CES5A: variants seen among roughly 807,000 people sequenced by gnomAD.
CES5A encodes the protein carboxylesterase 5.
Under a neutral mutation model 62.9 loss-of-function variants are expected in CES5A, and 67 were observed. That is an observed-to-expected ratio of 1.07 (90% CI 0.88 to 1.31). The LOEUF (loss-of-function observed/expected upper bound fraction) is 1.31. Ranked by LOEUF, CES5A falls within the 50% of genes most tolerant of loss-of-function variation. The pLI is 0.00. For synonymous variants in CES5A, 296 were observed against 280.8 expected, an observed-to-expected ratio of 1.05 and a Z score of -0.54; for missense variants, 748 against 708.5, an observed-to-expected ratio of 1.06 and a Z score of -0.63.
chr16:55,941,525 C>T (rs1433035749), intron 2 of CES5A, among the ~76,000 whole-genome samples: 1 of 151,988 alleles, frequency 6.6e-6, no homozygotes, highest in Non-Finnish European at 1.5e-5. Flanking sequence ...AGCATAGTTA[C>T]AATGTCAGTT....
chr16:55,899,714 C>A (rs1437444466), intron 1 of CES5A, among the ~76,000 whole-genome samples: 1 of 152,172 alleles, frequency 6.6e-6, no homozygotes, highest in African/African-American at 2.4e-5. Context: ...ATTCGATAGT[C>A]ACAGCTAGTG....
intron 9 of CES5A, among the ~76,000 whole-genome samples, chr16:55,853,899 G>T (rs1597111362): frequency 6.6e-6 from 1 of 152,184 alleles, no homozygotes; most frequent in Admixed American, 6.5e-5. Context: ...CCCTTGATGG[G>T]TTTCTTTGGA....
intron 8 of CES5A, among the ~76,000 whole-genome samples, chr16:55,857,942 TC>T (rs2142392559): frequency 6.6e-6 from 1 of 152,248 alleles, no homozygotes; most frequent in South Asian, 2.1e-4. Context: ...TGCCTGTAAT[TC>T]CAGCACTTTG....
chr16:55,947,625 T>A (rs1313522522), intron 2 of CES5A, among the ~76,000 whole-genome samples: 1 of 151,776 alleles, frequency 6.6e-6, no homozygotes, highest in African/African-American at 2.4e-5. Flanking sequence ...AGTGCCAAAG[T>A]TGGGGTTGTA....
chr16:55,854,606 A>T lies in CES5A; in HGVS notation c.1126-1578T>A, dbSNP rs371676875. Among the ~76,000 whole-genome samples, 140 of 133,126 alleles carry T rather than the reference A, an allele frequency of 1.1e-3. 1 individual carries two copies. The South Asian group carries it at 0.029, about 27-fold the overall frequency. The allele number at this position is 133,126 out of a possible 152,430, so 87.3% of individuals were successfully genotyped here. A position where few individuals can be genotyped will look rare whatever the true frequency, so the allele number is the denominator to read the frequency against. On this transcript the variant is annotated intron_variant, in intron 9 of 12. Coordinates refer to ENST00000290567, the MANE Select transcript of CES5A (RefSeq NM_001143685.2). The stretch of plus-strand genomic sequence containing the variant: ...GCCCAGGCTAGAGTACAGTGGCGAG[A>T]TCCTGCAGCTTCAAATTCCCAGGCT...
At chr16:55,854,175 TG>T (rs2033186487) in intron 9 of CES5A, among the ~76,000 whole-genome samples, 1 of 152,188 alleles carries the variant, frequency 6.6e-6, no homozygotes, top group South Asian at 2.1e-4. Flanking sequence ...CCTAGGGTTC[TG>T]GGGTAAGACT....
At chr16:55,858,201 A>T (rs535832871) in intron 8 of CES5A, among the ~76,000 whole-genome samples, 1 of 152,260 alleles carries the variant, frequency 6.6e-6, no homozygotes, top group Admixed American at 6.5e-5. Flanking sequence ...CTGACTCAAA[A>T]ATTAAATTAG....
chr16:55,952,783 C>T (rs554711745), intron 1 of CES5A, among the ~76,000 whole-genome samples: 2 of 152,078 alleles, frequency 1.3e-5, no homozygotes, highest in Non-Finnish European at 1.5e-5. Context: ...TAAGATCTAC[C>T]CCCACTAAAG....
At chr16:55,942,819 T>C (rs1450053796) in intron 2 of CES5A, among the ~76,000 whole-genome samples, 2 of 152,160 alleles carry the variant, frequency 1.3e-5, no homozygotes, top group Non-Finnish European at 2.9e-5. Context: ...GGTATGTCCA[T>C]ACAATAAAAT....
intron 2 of CES5A, among the ~76,000 whole-genome samples, chr16:55,940,752 A>G (rs1322660033): frequency 1.3e-5 from 2 of 151,974 alleles, no homozygotes; most frequent in African/African-American, 2.4e-5. Context: ...TCATAAATAC[A>G]GAAGCAAAAT....
chr16:55,889,993 T>C (rs2033859275), intron 1 of CES5A, among the ~76,000 whole-genome samples: 1 of 152,198 alleles, frequency 6.6e-6, no homozygotes, highest in South Asian at 2.1e-4. Flanking sequence ...CTCAGCTGGA[T>C]TTCAGAACCA....
chr16:55,901,838 A>G (rs1316336684), intron 1 of CES5A, among the ~76,000 whole-genome samples: 1 of 152,120 alleles, frequency 6.6e-6, no homozygotes, highest in African/African-American at 2.4e-5. Context: ...TTCCTCTTAT[A>G]TATCAGTGGG....
chr16:55,922,270 C>G (rs1213479998), intron 1 of CES5A, among the ~76,000 whole-genome samples: 2 of 151,880 alleles, frequency 1.3e-5, no homozygotes, highest in East Asian at 3.9e-4. Context: ...AATAAAGAAA[C>G]AAGACTCAAC....
At chr16:55,930,482 A>G (rs1234808611) in intron 2 of CES5A, among the ~76,000 whole-genome samples, 2 of 152,320 alleles carry the variant, frequency 1.3e-5, no homozygotes, top group East Asian at 3.9e-4. Flanking sequence ...GAGAGGGTCT[A>G]TTATAAAAGC....
intron 1 of CES5A, among the ~76,000 whole-genome samples, chr16:55,902,615 G>A (rs1287601689): frequency 6.6e-6 from 1 of 152,178 alleles, no homozygotes; most frequent in Admixed American, 6.5e-5. Flanking sequence ...AGATACTCAG[G>A]ATGGAGTAGT....
chr16:55,904,459 G>A (rs1274689160), intron 1 of CES5A, among the ~76,000 whole-genome samples: 2 of 152,100 alleles, frequency 1.3e-5, no homozygotes, highest in African/African-American at 4.8e-5. Context: ...CCAAAGGAAG[G>A]CAGATCATAA....
chr16:55,878,406 C>T (rs1444302985), upstream of CES5A, among the ~76,000 whole-genome samples: 1 of 151,964 alleles, frequency 6.6e-6, no homozygotes, highest in Non-Finnish European at 1.5e-5. Flanking sequence ...ACACATGGAC[C>T]CACAGCTGGG....
At chr16:55,849,350 T>TA (rs57836141) in intron 11 of CES5A, among the ~76,000 whole-genome samples, 99,260 of 149,172 alleles carry the variant, frequency 0.67, 33,095 homozygotes, top group Non-Finnish European at 0.71. Context: ...TCTAGTATAT[T>TA]AAAAAAAAAA....
chr16:55,891,894 C>T (rs1158950686), intron 1 of CES5A, among the ~76,000 whole-genome samples: 1 of 152,140 alleles, frequency 6.6e-6, no homozygotes, highest in Admixed American at 6.5e-5. Flanking sequence ...AAATATTTTA[C>T]CCCAAAACAT....
Sources: allele counts gnomAD v4.1 joint callset (sites outside exome capture counted in the v4.1 genomes callset), GRCh38; gene constraint gnomAD v4.1.1; transcripts MANE v1.5; gene names NCBI Gene and HGNC (gene_info 2026-07-23, HGNC 2026-07-21).